The following UBAC2 variants were observed in gnomAD, a reference collection of about 807,000 sequenced individuals.
UBAC2 encodes the protein UBA domain containing 2, also known as ubiquitin-associated domain-containing protein 2.
A neutral mutation model predicts 44.0 loss-of-function variants in UBAC2; 26 were observed. The ratio of observed to expected loss-of-function variants is 0.59; its 90% CI spans 0.43 to 0.82. The LOEUF (loss-of-function observed/expected upper bound fraction) is 0.82, where lower values mean the gene tolerates loss of function less well. Ranked by LOEUF, UBAC2 falls within the 40% of genes least tolerant of loss-of-function variation. The pLI is 0.00. For synonymous variants in UBAC2, 155 were observed against 154.3 expected, an observed-to-expected ratio of 1.00 and a Z score of -0.04; for missense variants, 329 against 419.4, an observed-to-expected ratio of 0.78 and a Z score of 1.88.
At chr13:99,351,288 C>T (rs2045083698) in intron 7 of UBAC2, among the ~76,000 whole-genome samples, 1 of 152,216 alleles carries the variant, frequency 6.6e-6, no homozygotes, top group African/African-American at 2.4e-5. Flanking sequence ...ATAGTTATTA[C>T]TCGTAAAAGC....
chr13:99,208,797 G>A (rs897124649), intron 1 of UBAC2, among the ~76,000 whole-genome samples: 8 of 152,338 alleles, frequency 5.3e-5, no homozygotes, highest in African/African-American at 1.2e-4. Context: ...AGCCTCGCAC[G>A]TAGTTAAAGC....
At chr13:99,279,506 A>G (rs1334398837) in intron 4 of UBAC2, among the ~76,000 whole-genome samples, 1 of 152,212 alleles carries the variant, frequency 6.6e-6, no homozygotes, top group East Asian at 1.9e-4. Flanking sequence ...GATAGTAAAT[A>G]AGATGTAACA....
Position 99,305,839 on chromosome 13 carries a change from C to T in UBAC2, c.390-8258C>T, listed in dbSNP as rs74112033. 6.7e-3 allele frequency among the ~76,000 whole-genome samples: 1,013 copies of T among 152,220 alleles called. 7 individuals carry two copies. The highest frequency in any genetic ancestry group is 0.023 in the African/African-American group (957 of 41,516). On this transcript the variant is annotated intron_variant, in intron 4 of 8. Transcript: ENST00000403766. ...GCTAAAATATAAGAAGTGTGCAGTC[C>T]TACCAGTAAGCACAGTTAGATGTGT...
chr13:99,255,489 G>C (rs367651389), intron 4 of UBAC2: 3 of 1,614,010 alleles, frequency 1.9e-6, no homozygotes, highest in Admixed American at 1.7e-5. Context: ...GTTCTTTGGC[G>C]TACTTCGGCT....
At chr13:99,379,105 C>T (rs555934506) in intron 8 of UBAC2, among the ~76,000 whole-genome samples, 1 of 152,330 alleles carries the variant, frequency 6.6e-6, no homozygotes, top group South Asian at 2.1e-4. Context: ...GTTAAACATG[C>T]CTTTTTGTTA....
At chr13:99,378,754 A>G (rs1023125705) in intron 8 of UBAC2, among the ~76,000 whole-genome samples, 1 of 152,210 alleles carries the variant, frequency 6.6e-6, no homozygotes, top group African/African-American at 2.4e-5. Context: ...TGTTCCATGC[A>G]TTGGCAACAG....
intron 4 of UBAC2, among the ~76,000 whole-genome samples, chr13:99,283,280 A>T (rs2043976642): frequency 6.6e-6 from 1 of 152,330 alleles, no homozygotes; most frequent in South Asian, 2.1e-4. Flanking sequence ...TCATAGAGAC[A>T]CTTGATAATT....
At chr13:99,269,763 C>T (rs540141246) in intron 4 of UBAC2, among the ~76,000 whole-genome samples, 1 of 152,182 alleles carries the variant, frequency 6.6e-6, no homozygotes, top group Non-Finnish European at 1.5e-5. Context: ...CTGTTTTCCC[C>T]TTTCTGAAAT....
At chr13:99,260,847 G>C (rs1944562604) in intron 4 of UBAC2, among the ~76,000 whole-genome samples, 1 of 152,156 alleles carries the variant, frequency 6.6e-6, no homozygotes, top group African/African-American at 2.4e-5. Context: ...TATTCCCAGA[G>C]ACTGCAAGAT....
At chr13:99,207,895 A>C (rs2042891334) in intron 1 of UBAC2, among the ~76,000 whole-genome samples, 1 of 152,110 alleles carries the variant, frequency 6.6e-6, no homozygotes, top group Non-Finnish European at 1.5e-5. Flanking sequence ...GTTCTCATGA[A>C]GGAGCAAACC....
In UBAC2 at chr13:99,368,125, T is replaced by C. The variant is rs550118240; in HGVS notation, c.927+219T>C. Reference sequence around the variant, plus strand: ...TTGGTTGGGGGGCGGCGGGTGGGAATGTATTATGGTAGCTTGTTTTAGATG... The same window carrying C: ...TTGGTTGGGGGGCGGCGGGTGGGAACGTATTATGGTAGCTTGTTTTAGATG... On this transcript the variant is annotated intron_variant, in intron 8 of 8. Transcript: ENST00000403766. Among the ~76,000 whole-genome samples, 444 of 152,222 alleles carry C rather than the reference T, an allele frequency of 2.9e-3. 2 individuals carry two copies. The highest frequency in any genetic ancestry group is 0.01 in the African/African-American group (432 of 41,512).
intron 1 of UBAC2, among the ~76,000 whole-genome samples, chr13:99,225,304 C>T (rs1423851663): frequency 1.3e-5 from 2 of 152,172 alleles, no homozygotes; most frequent in Admixed American, 6.5e-5. Context: ...CCATTTCCCC[C>T]TTCCTCCGCC....
chr13:99,232,318 ATC>A (rs1298347452), intron 1 of UBAC2, among the ~76,000 whole-genome samples: 2 of 150,908 alleles, frequency 1.3e-5, no homozygotes, highest in African/African-American at 4.8e-5. Context: ...AAATAAACAA[ATC>A]TCTGTGTTAT....
chr13:99,213,543 A>G (rs1413043027), intron 1 of UBAC2, among the ~76,000 whole-genome samples: 3 of 148,428 alleles, frequency 2.0e-5, no homozygotes, highest in Non-Finnish European at 3.0e-5. Flanking sequence ...GTATTTTTGT[A>G]GAGACAGGGT....
intron 4 of UBAC2, among the ~76,000 whole-genome samples, chr13:99,263,471 A>G (rs1413370870): frequency 6.6e-6 from 1 of 152,262 alleles, no homozygotes; most frequent in East Asian, 1.9e-4. Context: ...TCCATTCGCC[A>G]GAATGCCTAC....
chr13:99,345,804 G>A (rs1410324172), intron 7 of UBAC2, among the ~76,000 whole-genome samples: 6 of 147,068 alleles, frequency 4.1e-5, no homozygotes, highest in African/African-American at 7.6e-5. Context: ...GTGCAGTGGC[G>A]TGATCTTGGC....
intron 4 of UBAC2, 32 bp downstream of exon 4, chr13:99,244,656 G>A (rs753510035): frequency 7.8e-7 from 1 of 1,286,142 alleles, no homozygotes; most frequent in East Asian, 2.3e-5. Context: ...ACTTAATTTA[G>A]AACTACTTGA....
chr13:99,376,066 A>T (rs2045476750), intron 8 of UBAC2, among the ~76,000 whole-genome samples: 1 of 151,224 alleles, frequency 6.6e-6, no homozygotes, highest in Non-Finnish European at 1.5e-5. Context: ...CACACATCCC[A>T]ATCATAGATG....
intron 5 of UBAC2, 67 bp downstream of exon 5, chr13:99,314,287 T>C: frequency 6.7e-7 from 1 of 1,489,550 alleles, no homozygotes; most frequent in Non-Finnish European, 9.0e-7. Flanking sequence ...TTTTGGTCTT[T>C]TTCTCATTTG....
Sources: gnomAD v4.1 joint callset for allele counts (sites outside exome capture counted in the v4.1 genomes callset) on GRCh38, gnomAD v4.1.1 for gene constraint, MANE v1.5 for transcripts, NCBI Gene and HGNC (gene_info 2026-07-23, HGNC 2026-07-21) for gene names.